The following FGFR3 variants were observed in gnomAD, a reference collection of about 807,000 sequenced individuals.
FGFR3 encodes the protein fibroblast growth factor receptor 3.
Under a neutral mutation model 82.9 loss-of-function variants are expected in FGFR3, and 25 were observed. The ratio of observed to expected loss-of-function variants is 0.30; its 90% CI spans 0.22 to 0.42. The LOEUF (loss-of-function observed/expected upper bound fraction) is 0.42. Among genes scored for constraint, FGFR3 ranks in the 10% least tolerant of loss-of-function variants. The pLI, the probability that FGFR3 is intolerant of heterozygous loss-of-function variation, is 1.00. For missense variants in FGFR3, 1,026 were observed against 1,161.0 expected, an observed-to-expected ratio of 0.88 and a Z score of 1.69; for synonymous variants, 620 against 516.0, an observed-to-expected ratio of 1.20 and a Z score of -2.73.
Position 1,807,911 on chromosome 4 carries a change from A to C in FGFR3, c.*649A>C. On this transcript the variant is annotated 3_prime_UTR_variant, in exon 18 of 18. Coordinates refer to ENST00000440486, the MANE Select transcript of FGFR3 (RefSeq NM_000142.5). ...GTATATGGTATATATACATATATAT[A>C]TATAACATATATGGAAGAGGAAAAG... The C allele has an allele frequency of 3.4e-6, 1 of 293,516 alleles. No individual in the cohort carries two copies. The highest frequency in any genetic ancestry group is 6.1e-5 in the South Asian group (1 of 16,528). The allele number at this position is 293,516 out of a possible 1,614,324, so 18.2% of individuals were successfully genotyped here. A position where few individuals can be genotyped will look rare whatever the true frequency, so the allele number is the denominator to read the frequency against.
intron 2 of FGFR3, among the ~76,000 whole-genome samples, chr4:1,796,258 G>A (rs747089919): frequency 4.6e-5 from 7 of 152,114 alleles, no homozygotes; most frequent in Non-Finnish European, 7.4e-5. Flanking sequence ...CAAGAGAACC[G>A]ATAATGGCAG....
chr4:1,804,297 C>T, intron 8 of FGFR3, 33 bp from the exon 9 acceptor site: 1 of 1,548,896 alleles, frequency 6.5e-7, no homozygotes, highest in Non-Finnish European at 8.7e-7. Context: ...GGGGGGGGGG[C>T]CAGGCCAGGC....
chr4:1,806,498 G>A (rs1361999482), intron 15 of FGFR3, 48 bp from the exon 16 acceptor site: 2 of 1,612,548 alleles, frequency 1.2e-6, no homozygotes, highest in East Asian at 2.2e-5. Flanking sequence ...CCGCCCAGGT[G>A]TCTGTCCTGG....
intron 2 of FGFR3, among the ~76,000 whole-genome samples, 161 bp downstream of exon 2, chr4:1,794,204 C>A (rs546957640): frequency 6.6e-6 from 1 of 152,222 alleles, no homozygotes; most frequent in Admixed American, 6.5e-5. Flanking sequence ...GCGGCCAGAG[C>A]TAGCGCGGCG....
In FGFR3 at chr4:1,804,844, G is replaced by T; in HGVS notation, c.1287G>T (p.Ala429=). The change falls in exon 10 of 18, where the codon GCG becomes GCT. Residue 429 remains alanine, a synonymous_variant. Coordinates refer to ENST00000440486, the MANE Select transcript of FGFR3 (RefSeq NM_000142.5). ...AGCAGGTGTCCCTGGAGTCCAACGC[G>T]TCCATGAGCTCCAACACACCACTGG... ...LKRQVSLESN[A]SMSSNTPLVR... 6.5e-7 allele frequency: 1 copy of T among 1,549,920 alleles called. No individual in the cohort carries two copies. The highest frequency in any genetic ancestry group is 1.2e-5 in the South Asian group (1 of 84,028).
At chr4:1,798,623 C>T (rs1236553296) in intron 2 of FGFR3, among the ~76,000 whole-genome samples, 3 of 151,364 alleles carry the variant, frequency 2.0e-5, no homozygotes, top group African/African-American at 4.9e-5. Flanking sequence ...CACACGGCCA[C>T]GTGACCCTGC....
intron 2 of FGFR3, among the ~76,000 whole-genome samples, chr4:1,795,228 C>A (rs905888423): frequency 6.6e-6 from 1 of 151,968 alleles, no homozygotes; most frequent in South Asian, 2.1e-4. Flanking sequence ...CGGGCGGCCC[C>A]GCTTCCAGGG....
intron 7 of FGFR3, 25 bp from the exon 8 acceptor site, chr4:1,803,667 C>T (rs773438219): frequency 1.2e-6 from 2 of 1,611,772 alleles, no homozygotes; most frequent in African/African-American, 1.3e-5. Flanking sequence ...TGGCGCTCGC[C>T]TATCGCTCTG....
chr4:1,807,228 C>A lies in FGFR3; in HGVS notation c.2387C>A (p.Pro796Gln), dbSNP rs768644781. 6.2e-7 allele frequency: 1 copy of A among 1,607,782 alleles called. No individual in the cohort carries two copies. Among genetic ancestry groups the A allele is most frequent in the Non-Finnish European group, 8.5e-7 (1 of 1,178,210 alleles). Residue 796 changes from proline (P) to glutamine (Q), a missense_variant, in exon 18 of 18, where the codon CCG becomes CAG. Around this residue, in one of 9 missense-constraint regions of FGFR3, gnomAD observed 155 missense variants for 150.2 expected, o/e 1.03. Transcript: ENST00000440486. Reference sequence around the variant, plus strand: ...GTGTTTGCCCACGACCTGCTGCCCCCGGCCCCACCCAGCAGTGGGGGCTCG... The same window carrying A: ...GTGTTTGCCCACGACCTGCTGCCCCAGGCCCCACCCAGCAGTGGGGGCTCG... ...DSVFAHDLLP[P>Q]APPSSGGSRT
At position 1,807,914 on chromosome 4, in the gene FGFR3, T is replaced by A. The variant is rs562221192; in HGVS notation, c.*652T>A. Reference sequence around the variant, plus strand: ...TATGGTATATATACATATATATATATAACATATATGGAAGAGGAAAAGGCT... The same window carrying A: ...TATGGTATATATACATATATATATAAAACATATATGGAAGAGGAAAAGGCT... On this transcript the variant is annotated 3_prime_UTR_variant, in exon 18 of 18. Coordinates refer to ENST00000440486, the MANE Select transcript of FGFR3 (RefSeq NM_000142.5). The A allele has an allele frequency of 3.8e-5, 11 of 286,046 alleles. No individual in the cohort carries two copies. The highest frequency in any genetic ancestry group is 1.6e-4 in the East Asian group (3 of 18,384). 17.7% of individuals were successfully genotyped at this position (286,046 alleles called of 1,614,324 possible). A position where few individuals can be genotyped will look rare whatever the true frequency, so the allele number is the denominator to read the frequency against.
chr4:1,802,098 G>T (rs1721268302), intron 7 of FGFR3, 73 bp downstream of exon 7: 1 of 1,500,696 alleles, frequency 6.7e-7, no homozygotes, highest in Non-Finnish European at 9.1e-7. Context: ...CCTTGGCTGC[G>T]GGTTGCGTGA....
At chr4:1,802,988 G>A (rs772542563) in intron 7 of FGFR3, 69 of 1,600,144 alleles carry the variant, frequency 4.3e-5, no homozygotes, top group Non-Finnish European at 5.5e-5. Context: ...ACGGGGGCGA[G>A]TACCTCTGTC....
intron 2 of FGFR3, 96 bp downstream of exon 2, chr4:1,794,139 G>A: frequency 1.7e-6 from 1 of 594,082 alleles, no homozygotes; most frequent in Non-Finnish European, 2.5e-6. Flanking sequence ...GCCGCCGGGT[G>A]TGAGTGACGC....
intron 2 of FGFR3, among the ~76,000 whole-genome samples, chr4:1,796,985 C>T (rs561538246): frequency 3.3e-5 from 5 of 152,088 alleles, no homozygotes; most frequent in Non-Finnish European, 7.4e-5. Flanking sequence ...AAGTTGAGGT[C>T]GGCACTGTGT....
chr4:1,807,326 C>A lies in FGFR3; in HGVS notation c.*64C>A, dbSNP rs138412839. The A allele has an allele frequency of 1.3e-6, 2 of 1,540,842 alleles. No homozygotes were observed. The highest frequency in any genetic ancestry group is 1.7e-6 in the Non-Finnish European group (2 of 1,146,412). On this transcript the variant is annotated 3_prime_UTR_variant, in exon 18 of 18. Transcript: ENST00000440486. ...AGCCCACCCTGCTGCTGGTGCACAG[C>A]CACTCCCCGGCATGAGACTCAGTGC... is the stretch of plus-strand genomic sequence containing the variant.
chr4:1,803,013 A>G (rs761797267), intron 7 of FGFR3: 1 of 1,602,180 alleles, frequency 6.2e-7, no homozygotes, highest in Non-Finnish European at 8.5e-7. Flanking sequence ...CACCAATTTC[A>G]TAGGCGTGGC....
In FGFR3 at chr4:1,802,006, C is replaced by T. The variant is rs1236812238; in HGVS notation, c.911C>T (p.Pro304Leu). The T allele has an allele frequency of 6.2e-7, 1 of 1,612,284 alleles. No homozygotes were observed. The highest frequency in any genetic ancestry group is 8.5e-7 in the Non-Finnish European group (1 of 1,179,706). The change falls in exon 7 of 18, where the codon CCC becomes CTC. Residue 304 changes from proline to leucine, a missense_variant. By Grantham distance (98) the Pro-to-Leu change is moderately conservative. This residue lies in a region of FGFR3 where 256 missense variants were observed against 217.6 expected (regional missense o/e 1.18). Coordinates refer to ENST00000440486, the MANE Select transcript of FGFR3 (RefSeq NM_000142.5). ...AGCAAGGTGGGCCCGGACGGCACACCCTACGTTACCGTGCTCAAGGTGGGC... is the reference window on the plus strand; with the variant it reads ...AGCAAGGTGGGCCCGGACGGCACACTCTACGTTACCGTGCTCAAGGTGGGC... Reference protein sequence around the residue: ...NGSKVGPDGTPYVTVLKTAGA... With the variant: ...NGSKVGPDGTLYVTVLKTAGA...
chr4:1,805,081 G>A (rs1427042158), intron 10 of FGFR3, 112 bp downstream of exon 10: 17 of 1,421,412 alleles, frequency 1.2e-5, no homozygotes, highest in Non-Finnish European at 1.6e-5. Context: ...TGTGGCGGAT[G>A]TTGGGTGTGG....
rs1000683391 is a variant in FGFR3, at chr4:1,803,145, C to T, written c.931-547C>T. On this transcript the variant is annotated intron_variant, in intron 7 of 17. Coordinates refer to ENST00000440486, the MANE Select transcript of FGFR3 (RefSeq NM_000142.5). Reference sequence around the variant, plus strand: ...CCGCGCGCCCTGCACGCCCCGCACGCCCAGCCCTGCTCGCTCCCGCCCCGG... The same window carrying T: ...CCGCGCGCCCTGCACGCCCCGCACGTCCAGCCCTGCTCGCTCCCGCCCCGG... The T allele has an allele frequency of 1.1e-5, 15 of 1,389,232 alleles. 1 individual carries two copies. The highest frequency in any genetic ancestry group is 6.5e-5 in the South Asian group (4 of 61,162). 86.1% of individuals were successfully genotyped at this position (1,389,232 alleles called of 1,614,324 possible).
Sources: gnomAD v4.1 joint callset for allele counts (sites outside exome capture counted in the v4.1 genomes callset) on GRCh38, gnomAD v4.1.1 for gene constraint, gnomAD v4.1.1 regional missense constraint, MANE v1.5 for transcripts, NCBI Gene and HGNC (gene_info 2026-07-23, HGNC 2026-07-21) for gene names.